GRM3: variants seen among roughly 807,000 people sequenced by gnomAD.
GRM3 encodes the protein glutamate metabotropic receptor 3, also known as metabotropic glutamate receptor 3.
GRM3 carries 26 observed loss-of-function variants against 70.5 expected under a neutral mutation model. That is an observed-to-expected ratio of 0.37 (90% CI 0.27 to 0.51). GRM3 has a LOEUF of 0.51. Ranked by LOEUF, GRM3 falls within the 20% of genes least tolerant of loss-of-function variation. The pLI is 0.93. For synonymous variants in GRM3, 443 were observed against 434.9 expected (o/e 1.02, Z -0.23); for missense variants, 859 against 1,123.8 (o/e 0.76, Z 3.37).
intron 5 of GRM3, among the ~76,000 whole-genome samples, chr7:86,862,890 T>C (rs1342330501): frequency 6.6e-6 from 1 of 152,154 alleles, no homozygotes; most frequent in Non-Finnish European, 1.5e-5. Context: ...GTCAATTATA[T>C]ATCCACTATC....
chr7:86,719,030 T>C (rs772381875), intron 1 of GRM3, among the ~76,000 whole-genome samples: 80 of 152,046 alleles, frequency 5.3e-4, no homozygotes, highest in Non-Finnish European at 9.7e-4. Flanking sequence ...ACAATACCTT[T>C]AATAAACAAG....
intron 1 of GRM3, among the ~76,000 whole-genome samples, chr7:86,737,149 G>A (rs1795881790): frequency 6.6e-6 from 1 of 152,118 alleles, no homozygotes; most frequent in Admixed American, 6.6e-5. Flanking sequence ...AAAACCTTGA[G>A]CTTGAGGGGA....
At chr7:86,813,980 G>A (rs1238844469) in intron 3 of GRM3, among the ~76,000 whole-genome samples, 1 of 151,706 alleles carries the variant, frequency 6.6e-6, no homozygotes, top group East Asian at 1.9e-4. Context: ...TTCCTACCTG[G>A]AGCTTATCCT....
intron 4 of GRM3, among the ~76,000 whole-genome samples, chr7:86,845,437 G>T (rs1367879941): frequency 6.6e-6 from 1 of 151,964 alleles, no homozygotes; most frequent in Non-Finnish European, 1.5e-5. Context: ...CCTTAAATTT[G>T]TATCTCAGGC....
chr7:86,657,061 T>C (rs1179368283), intron 1 of GRM3, among the ~76,000 whole-genome samples: 1 of 152,212 alleles, frequency 6.6e-6, no homozygotes, highest in Non-Finnish European at 1.5e-5. Context: ...ATCTTAATTT[T>C]AATCCATAAA....
At chr7:86,728,127 A>G (rs1795634735) in intron 1 of GRM3, among the ~76,000 whole-genome samples, 4 of 152,044 alleles carry the variant, frequency 2.6e-5, no homozygotes, top group African/African-American at 9.7e-5. Context: ...ACTTTTTATT[A>G]TTACCACATT....
intron 1 of GRM3, among the ~76,000 whole-genome samples, chr7:86,761,235 T>A (rs573501213): frequency 3.9e-5 from 6 of 152,288 alleles, no homozygotes; most frequent in African/African-American, 1.4e-4. Flanking sequence ...CATAAGTGAA[T>A]GTGTCTCTGA....
chr7:86,768,212 C>T (rs1005778944), intron 2 of GRM3, among the ~76,000 whole-genome samples: 4 of 152,100 alleles, frequency 2.6e-5, no homozygotes, highest in African/African-American at 9.7e-5. Flanking sequence ...TGGAAAATGC[C>T]TCACCAAAAA....
At chr7:86,863,390 A>C (rs984529649) in intron 5 of GRM3, among the ~76,000 whole-genome samples, 1 of 152,174 alleles carries the variant, frequency 6.6e-6, no homozygotes, top group African/African-American at 2.4e-5. Context: ...GAATTAGCAC[A>C]AACTGGGTGT....
chr7:86,777,476 T>C (rs1796923065), intron 2 of GRM3, among the ~76,000 whole-genome samples: 1 of 152,194 alleles, frequency 6.6e-6, no homozygotes, highest in Non-Finnish European at 1.5e-5. Flanking sequence ...ATAACCAATA[T>C]GGATCTTTGA....
chr7:86,734,852 T>G (rs1238995992), intron 1 of GRM3, among the ~76,000 whole-genome samples: 1 of 152,176 alleles, frequency 6.6e-6, no homozygotes, highest in African/African-American at 2.4e-5. Context: ...CTTAGTCAAA[T>G]GAAGTCACAA....
At chr7:86,843,920 C>T (rs1798605999) in intron 4 of GRM3, among the ~76,000 whole-genome samples, 1 of 152,070 alleles carries the variant, frequency 6.6e-6, no homozygotes, top group Non-Finnish European at 1.5e-5. Context: ...TGCAAATCAC[C>T]TGGGGATCTT....
At position 86,803,027 on chromosome 7, in the gene GRM3, G is replaced by A. The variant is rs191918477; in HGVS notation, c.1324+15911G>A. On this transcript the variant is annotated intron_variant, in intron 3 of 5. Coordinates refer to ENST00000361669, the MANE Select transcript of GRM3 (RefSeq NM_000840.3). ...TTTAGCAATATACCACTTTCTTAGG[G>A]TACTTAACAAAATCTTTATCTCTAA... Among the ~76,000 whole-genome samples, 190 of 152,132 alleles carry A rather than the reference G, an allele frequency of 1.2e-3. 1 individual carries two copies. Among genetic ancestry groups the A allele is most frequent in the African/African-American group, 4.4e-3 (183 of 41,496 alleles).
chr7:86,695,377 T>C (rs1449303970), intron 1 of GRM3, among the ~76,000 whole-genome samples: 2 of 152,208 alleles, frequency 1.3e-5, no homozygotes, highest in East Asian at 3.8e-4. Flanking sequence ...CTTTCCATAA[T>C]GTTCAGTTTC....
chr7:86,852,914 G>C (rs1237878864), intron 5 of GRM3, among the ~76,000 whole-genome samples: 1 of 152,168 alleles, frequency 6.6e-6, no homozygotes, highest in Non-Finnish European at 1.5e-5. Flanking sequence ...AGAGTCAAGA[G>C]TTGAGCCTGA....
At chr7:86,761,307 G>A (rs1280512515) in intron 1 of GRM3, among the ~76,000 whole-genome samples, 2 of 152,082 alleles carry the variant, frequency 1.3e-5, no homozygotes, top group Admixed American at 6.6e-5. Flanking sequence ...AAAAACTTAA[G>A]CAGTAAATGT....
Position 86,720,028 on chromosome 7 carries a change from A to G in GRM3, c.-140-44978A>G, listed in dbSNP as rs144274221. 1.2e-3 allele frequency among the ~76,000 whole-genome samples: 176 copies of G among 152,158 alleles called. 1 individual carries two copies. Among genetic ancestry groups the G allele is most frequent in the African/African-American group, 3.9e-3 (163 of 41,550 alleles). On this transcript the variant is annotated intron_variant, in intron 1 of 5. Transcript: ENST00000361669. ...TGGAAAGACCTCATAGGCCACAGGA[A>G]CATCCTACAGATAATAGATTGGGAT...
At chr7:86,800,285 A>C (rs1797651951) in intron 3 of GRM3, among the ~76,000 whole-genome samples, 1 of 152,218 alleles carries the variant, frequency 6.6e-6, no homozygotes, top group African/African-American at 2.4e-5. Context: ...GAAATAACCA[A>C]GATCGGAGAG....
intron 1 of GRM3, among the ~76,000 whole-genome samples, chr7:86,705,370 G>A (rs1052503293): frequency 4.6e-5 from 7 of 152,074 alleles, no homozygotes; most frequent in African/African-American, 1.4e-4. Context: ...CCAACATATA[G>A]TTTCCCTCAC....
Sources: gnomAD v4.1 joint callset for allele counts (sites outside exome capture counted in the v4.1 genomes callset) on GRCh38, gnomAD v4.1.1 for gene constraint, MANE v1.5 for transcripts, NCBI Gene and HGNC (gene_info 2026-07-23, HGNC 2026-07-21) for gene names.